The following GON4L variants were observed in gnomAD, a reference collection of about 807,000 sequenced individuals.
The protein encoded by GON4L is GON-4-like protein.
GON4L carries 87 observed loss-of-function variants against 211.8 expected under a neutral mutation model. The ratio of observed to expected loss-of-function variants is 0.41; its 90% CI spans 0.35 to 0.49. The LOEUF (loss-of-function observed/expected upper bound fraction) is 0.49, where lower values mean the gene tolerates loss of function less well. Ranked by LOEUF, GON4L falls within the 20% of genes least tolerant of loss-of-function variation. The pLI, the probability that GON4L is intolerant of heterozygous loss-of-function variation, is 0.15. For missense variants in GON4L, 2,155 were observed against 2,659.5 expected (o/e 0.81, Z 4.17); for synonymous variants, 875 against 962.6 (o/e 0.91, Z 1.68).
intron 18 of GON4L, 27 bp from the exon 19 acceptor site, chr1:155,771,244 T>C (rs376713037): frequency 1.4e-5 from 22 of 1,613,288 alleles, no homozygotes; most frequent in Non-Finnish European, 1.9e-5. Flanking sequence ...ACACTAAATC[T>C]CACTTCACAG....
intron 27 of GON4L, chr1:155,756,753 C>G (rs1661231542): frequency 5.8e-6 from 3 of 519,500 alleles, no homozygotes; most frequent in Non-Finnish European, 1.0e-5. Context: ...AGTGAAAATC[C>G]ATCTCTACTA....
At chr1:155,816,769 T>TA (rs1668278007) in intron 6 of GON4L, among the ~76,000 whole-genome samples, 1 of 88,282 alleles carries the variant, frequency 1.1e-5, no homozygotes, top group Non-Finnish European at 2.3e-5. Context: ...GCTTTTTTTT[T>TA]TCTTAAAAAA....
chr1:155,826,211 T>TAA (rs373910061), intron 3 of GON4L, among the ~76,000 whole-genome samples: 4 of 145,010 alleles, frequency 2.8e-5, no homozygotes, highest in Non-Finnish European at 3.0e-5. Flanking sequence ...ACCCTGTCTT[T>TAA]AAAAAAAAAA....
At chr1:155,755,773 A>T (rs960757140) in intron 27 of GON4L, among the ~76,000 whole-genome samples, 3 of 152,148 alleles carry the variant, frequency 2.0e-5, no homozygotes, top group Non-Finnish European at 4.4e-5. Flanking sequence ...AATCCCCTTC[A>T]GAGAGAACTT....
chr1:155,830,279 ATT>A (rs879738389), intron 2 of GON4L, among the ~76,000 whole-genome samples: 1 of 140,636 alleles, frequency 7.1e-6, no homozygotes, highest in African/African-American at 2.6e-5. Flanking sequence ...AGCAGTTCCA[ATT>A]TTTTTTTTTT....
At chr1:155,779,628 G>T (rs1267639319) in intron 14 of GON4L, among the ~76,000 whole-genome samples, 1 of 151,998 alleles carries the variant, frequency 6.6e-6, no homozygotes, top group Non-Finnish European at 1.5e-5. Flanking sequence ...ATCTTACCCT[G>T]ACTGCATAGG....
chr1:155,845,621 G>T, intron 2 of GON4L: 1 of 322,390 alleles, frequency 3.1e-6, no homozygotes. Context: ...GTTTAAGAGG[G>T]TGAATGCCAG....
rs758950562 is a variant in GON4L, at chr1:155,795,035, T to C, written c.1747+15A>G. 10 of 1,425,264 alleles carry C rather than the reference T, an allele frequency of 7.0e-6. No homozygotes were observed. The highest frequency in any genetic ancestry group is 9.9e-6 in the Non-Finnish European group (10 of 1,007,298). 88.3% of individuals were successfully genotyped at this position (1,425,264 alleles called of 1,614,324 possible). A position where few individuals can be genotyped will look rare whatever the true frequency, so the allele number is the denominator to read the frequency against. On this transcript the variant is annotated intron_variant, in intron 12 of 31. Coordinates refer to ENST00000368331, the MANE Select transcript of GON4L (RefSeq NM_001282860.2). ...AAGCAGTCAAGAGCAGGACTTAGAA[T>C]AAACACAGACTCACTGGTGATTCTC...
intron 2 of GON4L, among the ~76,000 whole-genome samples, chr1:155,834,199 C>T (rs1670082291): frequency 6.6e-6 from 1 of 152,206 alleles, no homozygotes; most frequent in African/African-American, 2.4e-5. Context: ...CCAAGATCAT[C>T]AATCTTCAAA....
chr1:155,823,031 G>A (rs1180523679), intron 3 of GON4L, among the ~76,000 whole-genome samples: 1 of 152,122 alleles, frequency 6.6e-6, no homozygotes, highest in Non-Finnish European at 1.5e-5. Context: ...CCGACCTCAG[G>A]TGATCCACCT....
chr1:155,845,535 T>G (rs1671157286), intron 2 of GON4L: 1 of 315,520 alleles, frequency 3.2e-6, no homozygotes, highest in African/African-American at 2.2e-5. Context: ...TCCAGCAGTT[T>G]TACAGTCCCT....
intron 2 of GON4L, among the ~76,000 whole-genome samples, chr1:155,840,972 T>C (rs887460227): frequency 6.6e-6 from 1 of 152,040 alleles, no homozygotes; most frequent in African/African-American, 2.4e-5. Flanking sequence ...GAGGCGGAGG[T>C]TGCGGTGAGC....
chr1:155,858,475 T>A (rs1379786269), upstream of GON4L, among the ~76,000 whole-genome samples: 1 of 152,120 alleles, frequency 6.6e-6, no homozygotes, highest in Non-Finnish European at 1.5e-5. Flanking sequence ...CTCTCCCAAA[T>A]ACCAAGGAAG....
intron 18 of GON4L, among the ~76,000 whole-genome samples, chr1:155,772,814 G>T (rs1282204222): frequency 6.6e-6 from 1 of 151,826 alleles, no homozygotes; most frequent in Non-Finnish European, 1.5e-5. Context: ...AAAGTGCTGG[G>T]ATTACAGGTG....
chr1:155,828,153 G>A (rs1001403601), intron 2 of GON4L, among the ~76,000 whole-genome samples: 1 of 48,522 alleles, frequency 2.1e-5, no homozygotes, highest in Non-Finnish European at 6.1e-5. Context: ...GCAAGACACT[G>A]TCACACACAC....
intron 8 of GON4L, 52 bp downstream of exon 8, chr1:155,815,753 A>G: frequency 9.5e-7 from 1 of 1,057,404 alleles, no homozygotes; most frequent in Non-Finnish European, 1.5e-6. Flanking sequence ...CTAAGGAAGC[A>G]AAGTATACCC....
intron 5 of GON4L, 78 bp from the exon 6 acceptor site, chr1:155,820,734 C>T (rs911268925): frequency 9.3e-7 from 1 of 1,073,010 alleles, no homozygotes; most frequent in African/African-American, 1.5e-5. Flanking sequence ...ATAATCCTAG[C>T]ACTTTAGGGG....
At chr1:155,806,599 C>T (rs984339468) in intron 10 of GON4L, among the ~76,000 whole-genome samples, 5 of 152,174 alleles carry the variant, frequency 3.3e-5, no homozygotes, top group South Asian at 2.1e-4. Flanking sequence ...GCCTGTGGTA[C>T]CAGCTACTCA....
At chr1:155,768,446 TA>T (rs1314485744) in intron 19 of GON4L, among the ~76,000 whole-genome samples, 8 of 150,154 alleles carry the variant, frequency 5.3e-5, no homozygotes, top group South Asian at 4.2e-4. Context: ...CCGTCTCTAC[TA>T]AAAAATACAA....
Sources: allele counts gnomAD v4.1 joint callset (sites outside exome capture counted in the v4.1 genomes callset), GRCh38; gene constraint gnomAD v4.1.1; transcripts MANE v1.5; gene names NCBI Gene and HGNC (gene_info 2026-07-23, HGNC 2026-07-21).